Variants in SRPX observed in about 807,000 individuals in gnomAD.
SRPX encodes the protein sushi repeat containing protein X-linked.
SRPX carries 24 observed loss-of-function variants against 38.1 expected under a neutral mutation model. The ratio of observed to expected loss-of-function variants is 0.63; its 90% CI spans 0.46 to 0.89. The LOEUF (loss-of-function observed/expected upper bound fraction) is 0.89, where lower values mean the gene tolerates loss of function less well. Ranked by LOEUF, SRPX falls within the 40% of genes least tolerant of loss-of-function variation. SRPX has a pLI of 0.00. For missense variants in SRPX, 416 were observed against 377.8 expected (o/e 1.10, Z -0.84); for synonymous variants, 184 against 153.8 (o/e 1.20, Z -1.45).
chrX:38,177,644 C>T (rs1938590221), intron 2 of SRPX, among the ~76,000 whole-genome samples: 2 of 110,263 alleles, frequency 1.8e-5, no homozygotes, highest in African/African-American at 6.6e-5. Context: ...CCCAGGTTTC[C>T]CTAAGCTTCA....
At chrX:38,162,882 C>T (rs928676953) in intron 5 of SRPX, among the ~76,000 whole-genome samples, 5 of 112,691 alleles carry the variant, frequency 4.4e-5, no homozygotes, top group Non-Finnish European at 9.4e-5. Context: ...ATAAAAAGAA[C>T]AAGGTGAATA....
At chrX:38,165,131 CA>C (rs1313374156) in intron 4 of SRPX, among the ~76,000 whole-genome samples, 1 of 111,990 alleles carries the variant, frequency 8.9e-6, no homozygotes, top group Non-Finnish European at 1.9e-5. Context: ...ACTGGCCTTG[CA>C]AGGTGTCCTG....
intron 1 of SRPX, among the ~76,000 whole-genome samples, chrX:38,206,805 C>G (rs1450135960): frequency 1.8e-5 from 2 of 112,003 alleles, no homozygotes; most frequent in Non-Finnish European, 3.8e-5. Context: ...TCCTCCCTCT[C>G]TGGCATCCAA....
At chrX:38,180,711 C>A (rs1247049129) in intron 1 of SRPX, among the ~76,000 whole-genome samples, 2 of 112,220 alleles carry the variant, frequency 1.8e-5, no homozygotes, top group Non-Finnish European at 3.8e-5. Context: ...TCTTCTTCAT[C>A]TACCACATTC....
intron 4 of SRPX, among the ~76,000 whole-genome samples, chrX:38,170,278 A>G (rs751990725): frequency 8.9e-6 from 1 of 112,039 alleles, no homozygotes; most frequent in South Asian, 3.8e-4. Flanking sequence ...TCTGGGAACT[A>G]CTTAGCCACT....
At chrX:38,160,262 G>A in intron 6 of SRPX, 66 bp from the exon 7 acceptor site, 3 of 1,097,195 alleles carry the variant, frequency 2.7e-6, no homozygotes, top group Non-Finnish European at 3.7e-6. Context: ...AGCAGAAAAG[G>A]TGAGGATGCA....
At chrX:38,152,261 C>T (rs1316916738) in intron 9 of SRPX, among the ~76,000 whole-genome samples, 2 of 112,076 alleles carry the variant, frequency 1.8e-5, no homozygotes, top group Non-Finnish European at 3.8e-5. Flanking sequence ...ACAGGCATGC[C>T]GGCCTGACAC....
chrX:38,169,620 A>T (rs1460788181), intron 4 of SRPX, among the ~76,000 whole-genome samples: 8 of 112,598 alleles, frequency 7.1e-5, no homozygotes, highest in Non-Finnish European at 1.3e-4. Context: ...GCAAAAAGGA[A>T]AGTTTGTACA....
chrX:38,181,180 C>T (rs1197504354), intron 1 of SRPX, among the ~76,000 whole-genome samples: 1 of 112,189 alleles, frequency 8.9e-6, no homozygotes, highest in Non-Finnish European at 1.9e-5. Context: ...CCAGAAAGGA[C>T]AGGGAGGCAT....
chrX:38,168,361 G>C (rs889223343), intron 4 of SRPX, among the ~76,000 whole-genome samples: 1 of 111,333 alleles, frequency 9.0e-6, no homozygotes, highest in Non-Finnish European at 1.9e-5. Flanking sequence ...AAGAGACTCA[G>C]CCAGACCCCA....
chrX:38,153,302 C>CTTTTTTTTTTTTTTTTTTTTTTT (rs58888978), intron 9 of SRPX, among the ~76,000 whole-genome samples: 1 of 54,740 alleles, frequency 1.8e-5, no homozygotes, highest in Non-Finnish European at 3.2e-5. Flanking sequence ...TTCTTTCTTT[C>CTTTTTTTTTTTTTTTTTTTTTTT]TTTTTTTTTT....
intron 3 of SRPX, among the ~76,000 whole-genome samples, chrX:38,173,666 T>C (rs1185329235): frequency 1.8e-5 from 2 of 111,497 alleles, no homozygotes; most frequent in African/African-American, 6.5e-5. Flanking sequence ...CTCAGGCTGG[T>C]GTCGAACTCC....
chrX:38,220,656 T>C, intron 1 of SRPX, 40 bp downstream of exon 1: 1 of 1,185,584 alleles, frequency 8.4e-7, no homozygotes, highest in African/African-American at 1.8e-5. Flanking sequence ...CGGGGGTCTT[T>C]GGTGCCCAGC....
intron 4 of SRPX, among the ~76,000 whole-genome samples, chrX:38,166,478 C>G (rs1195447674): frequency 1.8e-5 from 2 of 111,644 alleles, no homozygotes; most frequent in African/African-American, 6.5e-5. Flanking sequence ...AGAAATAATA[C>G]GCTTCTCAGA....
intron 8 of SRPX, among the ~76,000 whole-genome samples, chrX:38,154,895 C>A (rs1161339175): frequency 9.0e-6 from 1 of 111,118 alleles, no homozygotes; most frequent in Non-Finnish European, 1.9e-5. Flanking sequence ...TATCCAAGAC[C>A]ACCCCAGAGG....
At chrX:38,210,116 G>A (rs1243611698) in intron 1 of SRPX, among the ~76,000 whole-genome samples, 3 of 112,663 alleles carry the variant, frequency 2.7e-5, no homozygotes, top group African/African-American at 9.7e-5. Flanking sequence ...ACACTTGAGT[G>A]TACATAAGAA....
intron 8 of SRPX, among the ~76,000 whole-genome samples, 178 bp downstream of exon 8, chrX:38,156,718 A>G (rs778489656): frequency 1.1e-4 from 12 of 112,535 alleles, no homozygotes; most frequent in Non-Finnish European, 2.1e-4. Context: ...TAAGGAGTCA[A>G]TGTTAATCAG....
Position 38,161,032 on chromosome X carries a change from G to T in SRPX, c.676C>A (p.Pro226Thr), listed in dbSNP as rs202189372. ...TCTCCTTCTGGAAAGTTGGAGCCTG[G>T]GGGGAGGCCTTTTAGAATGACACTT... The part of the protein sequence containing the change: ...LTDVILKGLP[P>T]GSNFPEGDHK... The change falls in exon 6 of 10, where the codon CCA (proline) becomes ACA (threonine). Residue 226 changes from proline (P) to threonine (T), a missense_variant. Pro to Thr is a conservative substitution (Grantham distance 38). Transcript: ENST00000378533. 14 of 1,210,336 alleles carry T rather than the reference G, an allele frequency of 1.2e-5. No individual in the cohort carries two copies. Among genetic ancestry groups the T allele is most frequent in the Non-Finnish European group, 1.5e-5 (13 of 894,994 alleles).
At chrX:38,175,914 T>G (rs1938560318) in intron 2 of SRPX, among the ~76,000 whole-genome samples, 1 of 111,930 alleles carries the variant, frequency 8.9e-6, no homozygotes, top group South Asian at 3.7e-4. Flanking sequence ...ATAATCTGTA[T>G]GTACTACATA....
Sources: allele counts gnomAD v4.1 joint callset (sites outside exome capture counted in the v4.1 genomes callset), GRCh38; gene constraint gnomAD v4.1.1; transcripts MANE v1.5; gene names NCBI Gene and HGNC (gene_info 2026-07-23, HGNC 2026-07-21).